Variants in HEPH observed in about 807,000 individuals in gnomAD.
HEPH encodes hephaestin.
Under a neutral mutation model 80.8 loss-of-function variants are expected in HEPH, and 69 were observed. That is an observed-to-expected ratio of 0.85 (90% CI 0.70 to 1.04). The LOEUF is 1.04. Among genes scored for constraint, HEPH ranks in the 50% least tolerant of loss-of-function variants. HEPH has a pLI of 0.00. For synonymous variants in HEPH, 431 were observed against 322.8 expected (o/e 1.34, Z -3.60); for missense variants, 1,115 against 891.3 (o/e 1.25, Z -3.20).
At chrX:66,256,374 T>C in intron 17 of HEPH, 44 bp downstream of exon 17, 1 of 949,091 alleles carries the variant, frequency 1.1e-6, no homozygotes, top group Admixed American at 2.4e-5. Flanking sequence ...CAGTCCCTAC[T>C]GGTTACATGG....
chrX:66,178,005 T>G, intron 4 of HEPH, among the ~76,000 whole-genome samples: 1 of 111,922 alleles, frequency 8.9e-6, no homozygotes, highest in African/African-American at 3.3e-5. Context: ...GCAGGTTTGT[T>G]ACATATGTAT....
intron 4 of HEPH, among the ~76,000 whole-genome samples, chrX:66,188,146 G>T (rs760368629): frequency 9.0e-6 from 1 of 111,643 alleles, no homozygotes; most frequent in East Asian, 2.8e-4. Context: ...GATCCTATGT[G>T]TCCTAACATC....
intron 15 of HEPH, among the ~76,000 whole-genome samples, chrX:66,216,582 C>A (rs1200720629): frequency 1.8e-5 from 2 of 111,858 alleles, no homozygotes; most frequent in African/African-American, 6.5e-5. Context: ...GCCTCTGAGT[C>A]CCAGATCTTC....
At chrX:66,230,619 G>A (rs1355894685) in intron 15 of HEPH, among the ~76,000 whole-genome samples, 261 of 97,972 alleles carry the variant, frequency 2.7e-3, no homozygotes, top group Non-Finnish European at 3.0e-3. Context: ...TTTTTGATGG[G>A]GTTGTTTGTT....
chrX:66,223,296 T>C lies in HEPH; in HGVS notation c.2563+15050T>C, dbSNP rs57175389. Among the ~76,000 whole-genome samples, 282 of 111,790 alleles carry C rather than the reference T, an allele frequency of 2.5e-3. 2 individuals carry two copies. The highest frequency in any genetic ancestry group is 8.7e-3 in the African/African-American group (269 of 30,827). On this transcript the variant is annotated intron_variant, in intron 15 of 20. Coordinates refer to ENST00000343002, the MANE Select transcript of HEPH (RefSeq NM_001367233.3). ...AAATGTGGGGACATCAACAGTGGAC[T>C]TTGTAGTCTTTGGTGCCTTCTTACT...
chrX:66,215,436 A>G (rs1341638957), intron 15 of HEPH, among the ~76,000 whole-genome samples: 1 of 111,248 alleles, frequency 9.0e-6, no homozygotes. Flanking sequence ...GTCATCTTCA[A>G]CTTTCTCCCA....
Position 66,203,540 on chromosome X carries a change from TGGGAAC to T in HEPH, c.2260_2265del (p.Arg754_Glu755del). On this transcript the variant is annotated inframe_deletion, in exon 13 of 21. Transcript: ENST00000343002. ...GTGGGACTATTGCCCTGACCGGAGC[TGGGAAC>T]GGGAATGGCACAACCAGTCTGAGAA... 8.3e-7 allele frequency: 1 copy of T among 1,211,589 alleles called. No individual in the cohort carries two copies. Among genetic ancestry groups the T allele is most frequent in the Non-Finnish European group, 1.1e-6 (1 of 895,308 alleles).
intron 15 of HEPH, among the ~76,000 whole-genome samples, chrX:66,221,920 T>A (rs1278734826): frequency 8.9e-6 from 1 of 112,332 alleles, no homozygotes; most frequent in South Asian, 3.7e-4. Flanking sequence ...AAAAGACCCA[T>A]AAGGGGCTTC....
rs188603969 is a variant in HEPH at position 66,197,468 on chromosome X, A to G, written c.1502-215A>G. On this transcript the variant is annotated intron_variant, in intron 9 of 20. Transcript: ENST00000343002. ...AAAACTGAAACATAGGGAAGATTAA[A>G]TTGCTGCATTTCATATAGCAAGTAA... Among the ~76,000 whole-genome samples the G allele has an allele frequency of 2.7e-5, 3 of 111,639 alleles. No individual in the cohort carries two copies. The East Asian group carries it at 8.4e-4, about 31-fold the overall frequency.
intron 15 of HEPH, among the ~76,000 whole-genome samples, chrX:66,214,666 T>A (rs1319041978): frequency 9.0e-6 from 1 of 111,536 alleles, no homozygotes; most frequent in Non-Finnish European, 1.9e-5. Flanking sequence ...GACCAGAGTT[T>A]GCATTTTTAT....
intron 13 of HEPH, 106 bp from the exon 14 acceptor site, chrX:66,207,088 TC>T: frequency 3.2e-6 from 2 of 616,454 alleles, no homozygotes; most frequent in Admixed American, 4.4e-5. Context: ...CTTTTTTTTT[TC>T]TGTCTGTGAC....
intron 1 of HEPH, among the ~76,000 whole-genome samples, chrX:66,168,345 A>C (rs775313412): frequency 8.9e-6 from 1 of 112,284 alleles, no homozygotes; most frequent in South Asian, 3.7e-4. Flanking sequence ...ACTGCCTACT[A>C]TGTTCCAAAC....
At chrX:66,195,932 G>A (rs1247592227) in intron 9 of HEPH, among the ~76,000 whole-genome samples, 1 of 111,403 alleles carries the variant, frequency 9.0e-6, no homozygotes, top group Admixed American at 9.6e-5. Context: ...AACTATAAAA[G>A]AAAAACTGAA....
intron 15 of HEPH, among the ~76,000 whole-genome samples, chrX:66,209,545 T>A (rs2088999278): frequency 8.9e-6 from 1 of 112,007 alleles, no homozygotes; most frequent in Admixed American, 9.5e-5. Flanking sequence ...AAAAGGAAGT[T>A]CCAGATTTAA....
chrX:66,210,762 T>G (rs1295747361), intron 15 of HEPH, among the ~76,000 whole-genome samples: 1 of 110,801 alleles, frequency 9.0e-6, no homozygotes, highest in Non-Finnish European at 1.9e-5. Context: ...ATAAATAGGA[T>G]ATTTTGATTG....
At chrX:66,225,730 GCTGGC>G (rs1422783413) in intron 15 of HEPH, among the ~76,000 whole-genome samples, 6 of 112,730 alleles carry the variant, frequency 5.3e-5, no homozygotes, top group African/African-American at 1.9e-4. Context: ...TGTCACTCAA[GCTGGC>G]CAGAGTCCCC....
intron 15 of HEPH, among the ~76,000 whole-genome samples, chrX:66,216,609 C>A (rs966215337): frequency 2.7e-5 from 3 of 111,740 alleles, no homozygotes; most frequent in Non-Finnish European, 5.6e-5. Flanking sequence ...ACATAGTCTA[C>A]CCAAATAAGA....
chrX:66,258,011 C>A (rs889446552), intron 17 of HEPH, among the ~76,000 whole-genome samples: 1 of 111,711 alleles, frequency 9.0e-6, no homozygotes, highest in African/African-American at 3.3e-5. Flanking sequence ...ATTATTAATT[C>A]TATGCATTAA....
chrX:66,187,783 G>A (rs750633317), intron 4 of HEPH, among the ~76,000 whole-genome samples: 1 of 111,657 alleles, frequency 9.0e-6, no homozygotes, highest in African/African-American at 3.3e-5. Flanking sequence ...GTCCATCCGA[G>A]TCTGAGCTGC....
Sources: gnomAD v4.1 joint callset for allele counts (sites outside exome capture counted in the v4.1 genomes callset) on GRCh38, gnomAD v4.1.1 for gene constraint, MANE v1.5 for transcripts, NCBI Gene and HGNC (gene_info 2026-07-23, HGNC 2026-07-21) for gene names.